DSCAML1: variants seen among roughly 807,000 people sequenced by gnomAD.
DSCAML1 encodes DS cell adhesion molecule like 1.
A neutral mutation model predicts 200.5 loss-of-function variants in DSCAML1; 38 were observed. The ratio of observed to expected loss-of-function variants is 0.19; its 90% confidence interval spans 0.15 to 0.25. The LOEUF (loss-of-function observed/expected upper bound fraction) is 0.25, where lower values mean the gene tolerates loss of function less well. Ranked by LOEUF, DSCAML1 falls within the 10% of genes least tolerant of loss-of-function variation. The pLI is 1.00. For synonymous variants in DSCAML1, 1,215 were observed against 1,165.0 expected, an observed-to-expected ratio of 1.04 and a Z score of -0.87; for missense variants, 2,223 against 2,858.8, an observed-to-expected ratio of 0.78 and a Z score of 5.07.
At chr11:117,747,528 A>C (rs1424920721) in intron 3 of DSCAML1, among the ~76,000 whole-genome samples, 1 of 152,196 alleles carries the variant, frequency 6.6e-6, no homozygotes, top group Non-Finnish European at 1.5e-5. Context: ...TGACTCCATG[A>C]AAATGCCTCC....
intron 3 of DSCAML1, among the ~76,000 whole-genome samples, chr11:117,610,662 C>A (rs1254642085): frequency 1.3e-5 from 2 of 151,846 alleles, no homozygotes; most frequent in Non-Finnish European, 2.9e-5. Flanking sequence ...CTTAAAATAT[C>A]ATGGAGGTTA....
chr11:117,682,270 GCCTGTCCAGC>G (rs1236718066), intron 3 of DSCAML1, among the ~76,000 whole-genome samples: 2 of 152,134 alleles, frequency 1.3e-5, no homozygotes, highest in Non-Finnish European at 2.9e-5. Flanking sequence ...GGCCTCCGCT[GCCTGTCCAGC>G]CCTGTCCAGA....
intron 3 of DSCAML1, among the ~76,000 whole-genome samples, chr11:117,652,246 G>A (rs1335061545): frequency 5.3e-5 from 8 of 152,218 alleles, no homozygotes; most frequent in South Asian, 4.1e-4. Context: ...AGTCTCCAGC[G>A]TGTTGCCTGC....
chr11:117,610,738 C>G (rs1437803563), intron 3 of DSCAML1, among the ~76,000 whole-genome samples: 1 of 151,656 alleles, frequency 6.6e-6, no homozygotes, highest in Non-Finnish European at 1.5e-5. Flanking sequence ...CAATTACACA[C>G]AGTCATATTC....
intron 4 of DSCAML1, among the ~76,000 whole-genome samples, chr11:117,531,648 C>G (rs984415672): frequency 2.0e-5 from 3 of 152,068 alleles, no homozygotes; most frequent in African/African-American, 7.2e-5. Context: ...CTTTGGGAGG[C>G]TGAGGCGGGC....
chr11:117,582,972 A>G (rs1226624165), intron 3 of DSCAML1, among the ~76,000 whole-genome samples: 2 of 134,318 alleles, frequency 1.5e-5, no homozygotes, highest in Admixed American at 1.6e-4. Flanking sequence ...TATTCTCACA[A>G]TGTGGCATAG....
intron 19 of DSCAML1, among the ~76,000 whole-genome samples, chr11:117,456,838 C>T: frequency 6.6e-6 from 1 of 152,042 alleles, no homozygotes; most frequent in East Asian, 1.9e-4. Context: ...CCACATCCGG[C>T]TAATTTTTGT....
intron 3 of DSCAML1, among the ~76,000 whole-genome samples, chr11:117,602,045 T>C (rs1372932153): frequency 6.6e-6 from 1 of 152,276 alleles, no homozygotes; most frequent in Non-Finnish European, 1.5e-5. Context: ...AAGCCCAAGC[T>C]TGTTTCTCTT....
intron 1 of DSCAML1, among the ~76,000 whole-genome samples, chr11:117,807,814 T>C (rs1455188442): frequency 6.6e-6 from 1 of 152,208 alleles, no homozygotes; most frequent in Non-Finnish European, 1.5e-5. Context: ...AAACTCAGTC[T>C]GGTTCTGGCT....
intron 8 of DSCAML1, among the ~76,000 whole-genome samples, chr11:117,514,635 T>G (rs899371194): frequency 7.3e-6 from 1 of 137,550 alleles, no homozygotes; most frequent in Non-Finnish European, 1.5e-5. Context: ...TAGGCTGGAG[T>G]GCAATGGCAC....
At chr11:117,750,460 C>A (rs1056662932) in intron 3 of DSCAML1, among the ~76,000 whole-genome samples, 3 of 152,174 alleles carry the variant, frequency 2.0e-5, no homozygotes, top group African/African-American at 7.2e-5. Flanking sequence ...CCATCAGCTC[C>A]TCAAAGGCTG....
At chr11:117,573,682 T>C (rs1484158664) in intron 3 of DSCAML1, among the ~76,000 whole-genome samples, 6 of 152,162 alleles carry the variant, frequency 3.9e-5, no homozygotes, top group Admixed American at 3.9e-4. Context: ...GCAAAGCAAA[T>C]ATGCTTCAGC....
At chr11:117,467,532 G>A (rs1156964503) in intron 16 of DSCAML1, among the ~76,000 whole-genome samples, 2 of 152,050 alleles carry the variant, frequency 1.3e-5, no homozygotes, top group African/African-American at 2.4e-5. Flanking sequence ...GTCAATGAAT[G>A]TTTTAAATGA....
chr11:117,813,803 T>TTC (rs1172048423), intron 1 of DSCAML1, among the ~76,000 whole-genome samples: 5 of 152,300 alleles, frequency 3.3e-5, no homozygotes, highest in African/African-American at 9.6e-5. Flanking sequence ...ACATCGTCCA[T>TTC]TCTGTCTCCA....
In DSCAML1 at chr11:117,481,226, A is replaced by G; in HGVS notation, c.2604T>C (p.His868=). 6.2e-7 allele frequency: 1 copy of G among 1,613,888 alleles called. No individual in the cohort carries two copies. The highest frequency in any genetic ancestry group is 8.5e-7 in the Non-Finnish European group (1 of 1,179,974). Residue 868 remains histidine, a synonymous_variant, in exon 13 of 33, where the codon CAT becomes CAC. Coordinates refer to ENST00000651296, the MANE Select transcript of DSCAML1 (RefSeq NM_020693.4). ...GGTCCTCCCCATACGAGTTGATGGC[A>G]TGGCAGCTGAAGAACACAGAGTCCC... The part of the protein sequence containing the change: ...DRGDSVFFSC[H]AINSYGEDRG...
chr11:117,783,969 C>T (rs1207231307), intron 1 of DSCAML1, among the ~76,000 whole-genome samples: 1 of 152,210 alleles, frequency 6.6e-6, no homozygotes, highest in Non-Finnish European at 1.5e-5. Context: ...ATGACAGCAG[C>T]CTTCCTGCAC....
intron 19 of DSCAML1, among the ~76,000 whole-genome samples, chr11:117,456,833 T>A (rs1467384705): frequency 6.6e-6 from 1 of 151,984 alleles, no homozygotes; most frequent in East Asian, 1.9e-4. Context: ...CACCACCACA[T>A]CCGGCTAATT....
chr11:117,450,783 G>A (rs1464324336), intron 19 of DSCAML1, 95 bp from the exon 20 acceptor site: 3 of 1,449,196 alleles, frequency 2.1e-6, no homozygotes, highest in Non-Finnish European at 2.8e-6. Flanking sequence ...GATCAATCTG[G>A]GAGAGCTTCT....
At chr11:117,545,238 C>A (rs202211869) in intron 3 of DSCAML1, among the ~76,000 whole-genome samples, 63,947 of 141,906 alleles carry the variant, frequency 0.45, 14,992 homozygotes, top group African/African-American at 0.59. Flanking sequence ...AAAAAAAACA[C>A]ACACACACAC....
Sources: allele counts gnomAD v4.1 joint callset (sites outside exome capture counted in the v4.1 genomes callset), GRCh38; gene constraint gnomAD v4.1.1; transcripts MANE v1.5; gene names NCBI Gene and HGNC (gene_info 2026-07-23, HGNC 2026-07-21).